TRIM14: variants seen among roughly 807,000 people sequenced by gnomAD.
TRIM14 encodes the protein tripartite motif containing 14.
TRIM14 carries 28 observed loss-of-function variants against 44.5 expected under a neutral mutation model. The observed-to-expected ratio is 0.63, with a 90% confidence interval of 0.47 to 0.86. TRIM14 has a LOEUF of 0.86. Among genes scored for constraint, TRIM14 ranks in the 40% least tolerant of loss-of-function variants. The probability of loss-of-function intolerance (pLI) is 0.00; values close to 1 mark genes in which losing one functional copy is unlikely to be tolerated. For synonymous variants in TRIM14, 299 were observed against 269.2 expected, an observed-to-expected ratio of 1.11 and a Z score of -1.08; for missense variants, 607 against 611.1, an observed-to-expected ratio of 0.99 and a Z score of 0.07.
intron 5 of TRIM14, among the ~76,000 whole-genome samples, chr9:98,088,626 A>C (rs1825888161): frequency 6.6e-6 from 1 of 152,226 alleles, no homozygotes; most frequent in South Asian, 2.1e-4. Flanking sequence ...ACACATCATA[A>C]TATCCTTTCA....
the TRIM14 span, among the ~76,000 whole-genome samples, chr9:98,042,391 CAA>C: frequency 1.5e-4 from 23 of 151,252 alleles, 1 homozygote; most frequent in Admixed American, 1.5e-3. Flanking sequence ...AATTATATGA[CAA>C]GTTTGTTTTT....
At chr9:98,107,756 T>C (rs768583365) in intron 2 of TRIM14, among the ~76,000 whole-genome samples, 6 of 151,990 alleles carry the variant, frequency 3.9e-5, no homozygotes, top group Admixed American at 6.6e-5. Context: ...AACCTCCACC[T>C]CCTGGGTTCA....
At chr9:98,113,805 T>C (rs762953154) in intron 1 of TRIM14, among the ~76,000 whole-genome samples, 5 of 152,374 alleles carry the variant, frequency 3.3e-5, no homozygotes, top group Non-Finnish European at 5.9e-5. Context: ...GTCTCTTGAT[T>C]GAGAACTGAA....
At chr9:98,093,190 C>T (rs948803052) in intron 4 of TRIM14, among the ~76,000 whole-genome samples, 1 of 152,182 alleles carries the variant, frequency 6.6e-6, no homozygotes, top group Non-Finnish European at 1.5e-5. Context: ...TCTCTTTCCT[C>T]TCTCCCCTGT....
chr9:98,099,193 C>G (rs2118429453), intron 3 of TRIM14, among the ~76,000 whole-genome samples: 1 of 152,082 alleles, frequency 6.6e-6, no homozygotes. Context: ...TGGCTCACAC[C>G]TATAATCCCA....
chr9:98,059,593 T>C, the TRIM14 span, among the ~76,000 whole-genome samples: 11 of 152,294 alleles, frequency 7.2e-5, no homozygotes, highest in Non-Finnish European at 1.3e-4. Flanking sequence ...TTTTATATTT[T>C]TTGTAGAGAC....
chr9:98,087,617 G>A lies in TRIM14; in HGVS notation c.1182C>T (p.Phe394=). ...PRDDLDRLGV[F]LDYEAGVLAF... ...CGAGGACGCCGGCCTCGTAGTCCAG[G>A]AAGACGCCGAGCCGGTCGAGGTCGT... Residue 394 remains phenylalanine (F), a synonymous_variant, in exon 6 of 6, where the codon TTC becomes TTT. Coordinates refer to ENST00000341469, the MANE Select transcript of TRIM14 (RefSeq NM_014788.4). 6.2e-7 allele frequency: 1 copy of A among 1,601,452 alleles called. No homozygotes were observed. The highest frequency in any genetic ancestry group is 1.3e-5 in the African/African-American group (1 of 74,950).
intron 1 of TRIM14, among the ~76,000 whole-genome samples, chr9:98,110,843 C>T (rs1826819551): frequency 9.9e-6 from 1 of 100,814 alleles, no homozygotes; most frequent in African/African-American, 8.2e-5. Context: ...TCTGCCTCTA[C>T]CACAAAAAAT....
chr9:98,035,896 T>C, the TRIM14 span, among the ~76,000 whole-genome samples: 1 of 152,248 alleles, frequency 6.6e-6, no homozygotes, highest in Non-Finnish European at 1.5e-5. Flanking sequence ...AAAATATTTA[T>C]TGGCATCTAC....
intron 1 of TRIM14, among the ~76,000 whole-genome samples, chr9:98,117,693 G>C (rs1056656269): frequency 2.0e-5 from 3 of 152,180 alleles, no homozygotes; most frequent in Non-Finnish European, 4.4e-5. Context: ...AATCAGAGTG[G>C]ATAGTCACAG....
chr9:98,101,223 C>A (rs1826377190), intron 2 of TRIM14, among the ~76,000 whole-genome samples: 1 of 152,144 alleles, frequency 6.6e-6, no homozygotes, highest in Non-Finnish European at 1.5e-5. Flanking sequence ...GATCCACCTG[C>A]CTCAGCCTCC....
the TRIM14 span, among the ~76,000 whole-genome samples, chr9:98,053,862 T>C: frequency 1.4e-5 from 2 of 146,978 alleles, no homozygotes; most frequent in Non-Finnish European, 1.5e-5. Context: ...TATGGAACCA[T>C]AGGCAAAGCT....
chr9:98,110,766 G>A (rs919585432), intron 1 of TRIM14, among the ~76,000 whole-genome samples: 3 of 151,868 alleles, frequency 2.0e-5, no homozygotes, highest in African/African-American at 2.4e-5. Context: ...AACACTTTGG[G>A]AGGCTGAGGT....
chr9:98,112,213 A>G (rs1247868095), intron 1 of TRIM14, among the ~76,000 whole-genome samples: 1 of 152,220 alleles, frequency 6.6e-6, no homozygotes, highest in Admixed American at 6.5e-5. Context: ...TGTAGTTAAC[A>G]TATGTGATTA....
At chr9:98,089,793 T>C (rs908205743) in intron 5 of TRIM14, among the ~76,000 whole-genome samples, 4 of 152,178 alleles carry the variant, frequency 2.6e-5, no homozygotes, top group Non-Finnish European at 5.9e-5. Flanking sequence ...CTTCCCTGCA[T>C]GCCATTCATA....
intron 2 of TRIM14, among the ~76,000 whole-genome samples, chr9:98,103,054 C>T (rs1021530089): frequency 5.9e-5 from 9 of 151,838 alleles, no homozygotes; most frequent in African/African-American, 1.7e-4. Context: ...GGGCGTGTGG[C>T]GGGCGCCTGT....
the TRIM14 span, among the ~76,000 whole-genome samples, chr9:98,061,722 G>A: frequency 2.6e-5 from 4 of 151,428 alleles, no homozygotes; most frequent in Non-Finnish European, 4.4e-5. Flanking sequence ...GGAGGTTGCA[G>A]TAAGCCGAGA....
the TRIM14 span, among the ~76,000 whole-genome samples, chr9:98,045,353 T>A: frequency 6.6e-6 from 1 of 152,216 alleles, no homozygotes; most frequent in Non-Finnish European, 1.5e-5. Context: ...CCTTACATAT[T>A]TTAAGTTCAG....
At chr9:98,090,487 AGGT>A (rs370116441) in intron 5 of TRIM14, among the ~76,000 whole-genome samples, 6 of 152,138 alleles carry the variant, frequency 3.9e-5, no homozygotes, top group African/African-American at 1.4e-4. Context: ...CTTGATCTGA[AGGT>A]GGTTACAAAA....
Sources: gnomAD v4.1 joint callset for allele counts (sites outside exome capture counted in the v4.1 genomes callset) on GRCh38, gnomAD v4.1.1 for gene constraint, MANE v1.5 for transcripts, NCBI Gene and HGNC (gene_info 2026-07-23, HGNC 2026-07-21) for gene names.